The following DSCAML1 variants were observed in gnomAD, a reference collection of about 807,000 sequenced individuals.
DSCAML1 encodes DS cell adhesion molecule like 1.
A neutral mutation model predicts 200.5 loss-of-function variants in DSCAML1; 38 were observed. That is an observed-to-expected ratio of 0.19 (90% confidence interval 0.15 to 0.25). The LOEUF is 0.25. Ranked by LOEUF, DSCAML1 falls within the 10% of genes least tolerant of loss-of-function variation. The pLI is 1.00. For missense variants in DSCAML1, 2,223 were observed against 2,858.8 expected (o/e 0.78, Z 5.07); for synonymous variants, 1,215 against 1,165.0 (o/e 1.04, Z -0.87).
chr11:117,439,527 G>A (rs2047999657), intron 22 of DSCAML1, 98 bp from the exon 23 acceptor site: 1 of 1,476,378 alleles, frequency 6.8e-7, no homozygotes, highest in South Asian at 1.3e-5. Flanking sequence ...GGGGGTGGAA[G>A]GAGGCTCGCC....
intron 3 of DSCAML1, among the ~76,000 whole-genome samples, chr11:117,656,820 G>A (rs1040336299): frequency 3.9e-5 from 6 of 152,180 alleles, no homozygotes; most frequent in African/African-American, 1.4e-4. Context: ...GTGGAAGGTA[G>A]GGACACATAC....
chr11:117,483,195 G>A (rs746797820), intron 11 of DSCAML1, among the ~76,000 whole-genome samples: 2 of 152,134 alleles, frequency 1.3e-5, no homozygotes, highest in Non-Finnish European at 1.5e-5. Flanking sequence ...TTTCTCCTCC[G>A]CCCAACTCAA....
In DSCAML1 at chr11:117,510,510, C is replaced by T. The variant is rs369300047; in HGVS notation, c.1784-4778G>A. 1.6e-4 allele frequency among the ~76,000 whole-genome samples: 25 copies of T among 152,256 alleles called. No homozygotes were observed. The East Asian group carries it at 3.1e-3, about 19-fold the overall frequency. On this transcript the variant is annotated intron_variant, in intron 8 of 32. Coordinates refer to ENST00000651296, the MANE Select transcript of DSCAML1 (RefSeq NM_020693.4). ...ACAGCTGACTTAAGTTTTTACACAA[C>T]CCTCTCTTCTCAGGAAGCCCATCCC... is the stretch of plus-strand genomic sequence containing the variant.
chr11:117,569,284 C>T (rs373840711), intron 3 of DSCAML1, among the ~76,000 whole-genome samples: 4 of 152,322 alleles, frequency 2.6e-5, no homozygotes, highest in Admixed American at 2.0e-4. Context: ...AAAACCTAGG[C>T]ATTACCATTC....
At chr11:117,609,157 C>T (rs2051637398) in intron 3 of DSCAML1, among the ~76,000 whole-genome samples, 2 of 151,642 alleles carry the variant, frequency 1.3e-5, no homozygotes, top group South Asian at 4.2e-4. Flanking sequence ...CGAGATCGTG[C>T]CACTGCACTC....
At chr11:117,629,564 G>C (rs1220156226) in intron 3 of DSCAML1, among the ~76,000 whole-genome samples, 1 of 148,934 alleles carries the variant, frequency 6.7e-6, no homozygotes, top group Non-Finnish European at 1.5e-5. Context: ...CGGGCAGAGA[G>C]AGCAACAGAA....
chr11:117,545,234 A>AAC (rs758060622), intron 3 of DSCAML1, among the ~76,000 whole-genome samples: 2,068 of 143,434 alleles, frequency 0.014, 35 homozygotes, highest in African/African-American at 0.026. Flanking sequence ...CGTAAAAAAA[A>AAC]ACACACACAC....
At chr11:117,653,666 C>T (rs1047811260) in intron 3 of DSCAML1, among the ~76,000 whole-genome samples, 12 of 152,114 alleles carry the variant, frequency 7.9e-5, no homozygotes, top group East Asian at 3.9e-4. Flanking sequence ...AAAGGTTCAA[C>T]GTGGAATCAC....
intron 3 of DSCAML1, among the ~76,000 whole-genome samples, chr11:117,573,954 A>T (rs940105130): frequency 6.6e-6 from 1 of 152,174 alleles, no homozygotes; most frequent in African/African-American, 2.4e-5. Flanking sequence ...GATGTTCACG[A>T]GGCCAAGGCT....
intron 3 of DSCAML1, among the ~76,000 whole-genome samples, chr11:117,568,313 C>G (rs1204003135): frequency 6.6e-6 from 1 of 152,020 alleles, no homozygotes; most frequent in Non-Finnish European, 1.5e-5. Context: ...AAAACGGGCA[C>G]AAGACAGGGA....
chr11:117,496,024 T>C (rs778420706), intron 11 of DSCAML1, among the ~76,000 whole-genome samples: 4 of 152,180 alleles, frequency 2.6e-5, no homozygotes, highest in Non-Finnish European at 5.9e-5. Flanking sequence ...TTGCTCATGC[T>C]CCTCCTTCCA....
At position 117,450,801 on chromosome 11, in the gene DSCAML1, G is replaced by A. The variant is rs2048268954; in HGVS notation, c.3569-113C>T. 3.8e-6 allele frequency: 5 copies of A among 1,304,524 alleles called. No homozygotes were observed. The South Asian group carries it at 4.5e-5, about 12-fold the overall frequency. The allele number at this position is 1,304,524 out of a possible 1,614,324, so 80.8% of individuals were successfully genotyped here. A position where few individuals can be genotyped will look rare whatever the true frequency, so the allele number is the denominator to read the frequency against. On this transcript the variant is annotated intron_variant, in intron 19 of 32. Coordinates refer to ENST00000651296, the MANE Select transcript of DSCAML1 (RefSeq NM_020693.4). ...CAATCTGGGAGAGCTTCTTGGAGGT[G>A]GCATCCTTGAGCTGTGGTTTAGAAG...
At chr11:117,695,503 G>A (rs1365589045) in intron 3 of DSCAML1, among the ~76,000 whole-genome samples, 1 of 152,030 alleles carries the variant, frequency 6.6e-6, no homozygotes, top group African/African-American at 2.4e-5. Flanking sequence ...CGTAGAACAA[G>A]ACAAGAGAGC....
chr11:117,501,820 C>G (rs746052587), intron 11 of DSCAML1, among the ~76,000 whole-genome samples: 1 of 152,026 alleles, frequency 6.6e-6, no homozygotes, highest in East Asian at 1.9e-4. Context: ...AAAGGTGTGT[C>G]GCTAGCCCTA....
chr11:117,627,862 T>C (rs1430506917), intron 3 of DSCAML1, among the ~76,000 whole-genome samples: 1 of 151,944 alleles, frequency 6.6e-6, no homozygotes, highest in Non-Finnish European at 1.5e-5. Context: ...CATGTTCCCC[T>C]CAGACTTCAT....
At chr11:117,677,735 G>C (rs2053240190) in intron 3 of DSCAML1, among the ~76,000 whole-genome samples, 1 of 152,188 alleles carries the variant, frequency 6.6e-6, no homozygotes, top group African/African-American at 2.4e-5. Context: ...TTGAAGGACA[G>C]ATATGCTAAC....
At chr11:117,733,928 G>A (rs2054272238) in intron 3 of DSCAML1, among the ~76,000 whole-genome samples, 1 of 151,742 alleles carries the variant, frequency 6.6e-6, no homozygotes, top group African/African-American at 2.4e-5. Flanking sequence ...TCCAATCTCA[G>A]GGACCAATTG....
chr11:117,816,735 C>A (rs1027713950), intron 1 of DSCAML1, among the ~76,000 whole-genome samples: 1 of 150,144 alleles, frequency 6.7e-6, no homozygotes, highest in Non-Finnish European at 1.5e-5. Context: ...CCAGTGGAGA[C>A]GCTCAGTTCT....
chr11:117,487,194 G>T (rs1592655059), intron 11 of DSCAML1, among the ~76,000 whole-genome samples: 1 of 151,870 alleles, frequency 6.6e-6, no homozygotes, highest in Non-Finnish European at 1.5e-5. Context: ...CAAAGTGCTG[G>T]GATTACAGGT....
Sources: allele counts gnomAD v4.1 joint callset (sites outside exome capture counted in the v4.1 genomes callset), GRCh38; gene constraint gnomAD v4.1.1; transcripts MANE v1.5; gene names NCBI Gene and HGNC (gene_info 2026-07-23, HGNC 2026-07-21).